PARP9: variants seen among roughly 807,000 people sequenced by gnomAD.
The protein encoded by PARP9 is protein mono-ADP-ribosyltransferase PARP9.
PARP9 carries 48 observed loss-of-function variants against 68.8 expected under a neutral mutation model. The ratio of observed to expected loss-of-function variants is 0.70; its 90% CI spans 0.55 to 0.89. PARP9 has a LOEUF of 0.89. PARP9 is among the 40% of genes least tolerant of loss of function. The pLI is 0.00. For missense variants in PARP9, 806 were observed against 969.3 expected (o/e 0.83, Z 2.24); for synonymous variants, 309 against 333.8 (o/e 0.93, Z 0.81).
At chr3:122,558,208 C>G in intron 3 of PARP9, 1 of 1,268,812 alleles carries the variant, frequency 7.9e-7, no homozygotes, top group Non-Finnish European at 1.1e-6. Context: ...TTAAAAGAGT[C>G]TCACATTTAC....
chr3:122,541,196 T>A (rs2078204235), intron 7 of PARP9, among the ~76,000 whole-genome samples: 1 of 152,194 alleles, frequency 6.6e-6, no homozygotes, highest in Non-Finnish European at 1.5e-5. Context: ...GGCCGACTAG[T>A]GGGTTTTAAA....
At chr3:122,560,269 ATAGG>A (rs1481352590) in intron 1 of PARP9, among the ~76,000 whole-genome samples, 1 of 152,222 alleles carries the variant, frequency 6.6e-6, no homozygotes, top group African/African-American at 2.4e-5. Flanking sequence ...TTTCCATCTA[ATAGG>A]TAGGAATTAA....
At chr3:122,545,366 T>C (rs1377500059) in intron 7 of PARP9, 66 bp downstream of exon 7, 3 of 1,504,982 alleles carry the variant, frequency 2.0e-6, no homozygotes, top group East Asian at 4.5e-5. Context: ...TTAGTTCAGA[T>C]GATCAAGAAT....
rs371085048 is a variant in PARP9, at chr3:122,540,656, C to T, written c.1581G>A (p.Leu527=). Residue 527 remains leucine (L), a synonymous_variant, in exon 8 of 11, where the codon TTG becomes TTA. Transcript: ENST00000682323. ...LYLGRKEHDI[L]SQLQKTSSVS... is the part of the protein sequence containing the mutation. Reference sequence around the variant, plus strand: ...CACTTGAAGTTTTCTGAAGCTGAGACAAAATGTCATGTTCCTTTCTCCCAA... The same window carrying T: ...CACTTGAAGTTTTCTGAAGCTGAGATAAAATGTCATGTTCCTTTCTCCCAA... 3.7e-6 allele frequency: 6 copies of T among 1,614,120 alleles called. No individual in the cohort carries two copies. The highest frequency in any genetic ancestry group is 4.5e-5 in the East Asian group (2 of 44,878).
At chr3:122,539,566 T>C (rs904259500) in intron 8 of PARP9, among the ~76,000 whole-genome samples, 1 of 143,564 alleles carries the variant, frequency 7.0e-6, no homozygotes, top group Non-Finnish European at 1.5e-5. Context: ...TTTCTTTCTT[T>C]CTTTTTTTTT....
intron 10 of PARP9, among the ~76,000 whole-genome samples, chr3:122,529,753 CAA>C (rs1172329461): frequency 2.8e-4 from 19 of 68,172 alleles, no homozygotes; most frequent in Admixed American, 4.7e-4. Context: ...GACTCCGTCC[CAA>C]AAAAAAAAAA....
intron 10 of PARP9, chr3:122,532,109 C>A: frequency 1.0e-6 from 1 of 979,512 alleles, no homozygotes; most frequent in South Asian, 4.7e-5. Flanking sequence ...GCTTCATCAC[C>A]TGAGTGGAGA....
At chr3:122,540,328 G>A (rs2078100897) in intron 8 of PARP9, 144 bp downstream of exon 8, 16 of 1,058,704 alleles carry the variant, frequency 1.5e-5, no homozygotes, top group Non-Finnish European at 2.1e-5. Flanking sequence ...AGCTCACAAA[G>A]GCTTATGATC....
intron 6 of PARP9, among the ~76,000 whole-genome samples, chr3:122,550,243 C>A (rs567307163): frequency 1.4e-4 from 21 of 152,240 alleles, no homozygotes; most frequent in African/African-American, 4.1e-4. Context: ...CCACGCCCAG[C>A]TAATTTTGTA....
rs772179302 is a variant in PARP9 at position 122,555,686 on chromosome 3, A to G, written c.485T>C (p.Val162Ala). 5 of 1,613,888 alleles carry G rather than the reference A, an allele frequency of 3.1e-6. No homozygotes were observed. The highest frequency in any genetic ancestry group is 4.2e-6 in the Non-Finnish European group (5 of 1,179,994). ...RLPCKQIIHA[V>A]GPRWMEWDKQ... Reference sequence around the variant, plus strand: ...ATCCCATTCCATCCACCGAGGCCCAACAGCATGGATGATCTGTTTGCAGGG... The same window carrying G: ...ATCCCATTCCATCCACCGAGGCCCAGCAGCATGGATGATCTGTTTGCAGGG... Residue 162 changes from valine (V) to alanine (A), a missense_variant, in exon 4 of 11, where the codon GTT becomes GCT. This residue lies in a region of PARP9 where 680 missense variants were observed against 858.8 expected (regional missense o/e 0.79). Transcript: ENST00000682323.
At chr3:122,548,966 C>T (rs138734987) in intron 6 of PARP9, among the ~76,000 whole-genome samples, 1 of 152,216 alleles carries the variant, frequency 6.6e-6, no homozygotes, top group East Asian at 1.9e-4. Flanking sequence ...TAACAGCTAA[C>T]CTTCTACTCT....
intron 6 of PARP9, 53 bp downstream of exon 6, chr3:122,550,531 G>T: frequency 8.0e-7 from 1 of 1,252,956 alleles, no homozygotes; most frequent in Non-Finnish European, 1.1e-6. Flanking sequence ...AGATGTTGCT[G>T]AATGAATGAA....
intron 6 of PARP9, among the ~76,000 whole-genome samples, chr3:122,549,313 C>T (rs907183734): frequency 5.3e-5 from 8 of 152,144 alleles, no homozygotes; most frequent in African/African-American, 1.9e-4. Flanking sequence ...ACCTCACCCA[C>T]CTGTATTAAC....
rs2077078216 is a variant in PARP9, at chr3:122,528,441, C to A, written c.2383G>T (p.Asp795Tyr). ...TCTQEYVQSQ[D>Y]YSSGPMRPFA... is the part of the protein sequence containing the mutation. ...GGTCTCATTGGTCCTGATGAGTAAT[C>A]TTGTGACTGTACATATTCCTGGGTG... Residue 795 changes from aspartate (D) to tyrosine (Y), a missense_variant, in exon 11 of 11, where the codon GAT becomes TAT. Physicochemically the swap from Asp to Tyr is radical, Grantham distance 160. Coordinates refer to ENST00000682323, the MANE Select transcript of PARP9 (RefSeq NM_001146105.2). The A allele has an allele frequency of 6.2e-7, 1 of 1,614,074 alleles. No individual in the cohort carries two copies. The highest frequency in any genetic ancestry group is 1.3e-5 in the African/African-American group (1 of 74,938).
intron 10 of PARP9, chr3:122,535,389 T>G (rs765032687): frequency 1.5e-4 from 150 of 985,380 alleles, no homozygotes; most frequent in Non-Finnish European, 1.8e-4. Flanking sequence ...CTATTGGAAT[T>G]GACTCCTCAG....
intron 1 of PARP9, 26 bp downstream of exon 1, chr3:122,564,219 G>A (rs2080491287): frequency 2.0e-5 from 11 of 558,900 alleles, no homozygotes. Flanking sequence ...GGACCCCGAG[G>A]GCCCAGAGGC....
At chr3:122,564,607 A>T (rs772325494), upstream of PARP9, 59 of 1,589,528 alleles carry the variant, frequency 3.7e-5, no homozygotes, top group Non-Finnish European at 5.0e-5. Flanking sequence ...GTTCAGTGAA[A>T]GGGCAGGTGA....
upstream of PARP9, chr3:122,564,552 G>C (rs1250245379): frequency 5.6e-6 from 9 of 1,610,418 alleles, no homozygotes; most frequent in African/African-American, 1.3e-5. Flanking sequence ...GGGAGTGCAC[G>C]GTCAGCACCC....
chr3:122,540,645 T>C lies in PARP9; in HGVS notation c.1592A>G (p.Gln531Arg). 2.5e-6 allele frequency: 4 copies of C among 1,614,218 alleles called. No individual in the cohort carries two copies. Among genetic ancestry groups the C allele is most frequent in the South Asian group, 1.1e-5 (1 of 91,080 alleles). ...TGTGATGGAGACACTTGAAGTTTTCTGAAGCTGAGACAAAATGTCATGTTC... is the reference window on the plus strand; with the variant it reads ...TGTGATGGAGACACTTGAAGTTTTCCGAAGCTGAGACAAAATGTCATGTTC... ...RKEHDILSQL[Q>R]KTSSVSITEI... is the part of the protein sequence containing the mutation. Residue 531 changes from glutamine to arginine, a missense_variant, in exon 8 of 11, where the codon CAG becomes CGG. Gln to Arg is a conservative substitution (Grantham distance 43, BLOSUM62 1). Coordinates refer to ENST00000682323, the MANE Select transcript of PARP9 (RefSeq NM_001146105.2).
Sources: allele counts gnomAD v4.1 joint callset (sites outside exome capture counted in the v4.1 genomes callset), GRCh38; gene constraint gnomAD v4.1.1; regional missense constraint gnomAD v4.1.1; transcripts MANE v1.5; gene names NCBI Gene and HGNC (gene_info 2026-07-23, HGNC 2026-07-21).